Variants in DNAH3 observed in about 807,000 individuals in gnomAD.
DNAH3 encodes axonemal beta dynein heavy chain 3.
DNAH3 carries 332 observed loss-of-function variants against 432.5 expected under a neutral mutation model. The observed-to-expected ratio is 0.77, with a 90% CI of 0.70 to 0.84. The LOEUF is 0.84. Ranked by LOEUF, DNAH3 falls within the 40% of genes least tolerant of loss-of-function variation. The pLI is 0.00. For missense variants in DNAH3, 4,861 were observed against 5,114.0 expected (o/e 0.95, Z 1.51); for synonymous variants, 1,956 against 1,900.2 (o/e 1.03, Z -0.76).
chr16:20,988,705 C>T (rs1009980490), intron 44 of DNAH3, among the ~76,000 whole-genome samples: 3 of 152,226 alleles, frequency 2.0e-5, no homozygotes, highest in African/African-American at 7.2e-5. Context: ...CCTTTTGTGT[C>T]CGGAATTGGT....
At chr16:21,100,941 T>C (rs1040958092) in intron 16 of DNAH3, among the ~76,000 whole-genome samples, 5 of 152,228 alleles carry the variant, frequency 3.3e-5, no homozygotes, top group Non-Finnish European at 7.3e-5. Flanking sequence ...TTATTGTTTC[T>C]AATTTCTTAT....
intron 28 of DNAH3, 59 bp from the exon 29 acceptor site, chr16:21,051,927 T>C: frequency 1.4e-6 from 2 of 1,422,276 alleles, no homozygotes; most frequent in Non-Finnish European, 2.0e-6. Flanking sequence ...TCCATCTTTG[T>C]AAGCTCCTCA....
At chr16:20,971,577 G>A (rs1254520080) in intron 51 of DNAH3, among the ~76,000 whole-genome samples, 1 of 152,190 alleles carries the variant, frequency 6.6e-6, no homozygotes, top group African/African-American at 2.4e-5. Context: ...GAAGAGGGAT[G>A]GGATGGCAGA....
chr16:20,933,402 C>G, exon 62 of DNAH3: 1 of 1,614,178 alleles, frequency 6.2e-7, no homozygotes, highest in South Asian at 1.1e-5. Flanking sequence ...AGAGATTCCC[C>G]AATCTGCATC....
intron 54 of DNAH3, among the ~76,000 whole-genome samples, chr16:20,957,855 TC>T (rs1162208440): frequency 2.6e-5 from 2 of 75,844 alleles, no homozygotes; most frequent in Non-Finnish European, 5.6e-5. Flanking sequence ...AAAAAGAGAA[TC>T]CCTGAACATT....
At chr16:20,963,181 A>T in intron 53 of DNAH3, 103 bp downstream of exon 53, 1 of 1,195,826 alleles carries the variant, frequency 8.4e-7, no homozygotes, top group South Asian at 1.6e-5. Flanking sequence ...CCTGGCCTTC[A>T]AAGCCATCTG....
chr16:21,060,001 A>C (rs909202617), intron 26 of DNAH3, among the ~76,000 whole-genome samples: 2 of 152,148 alleles, frequency 1.3e-5, no homozygotes, highest in African/African-American at 4.8e-5. Flanking sequence ...CATTAATCCC[A>C]TTTGACAAAA....
At chr16:21,118,780 G>A (rs375863957) in intron 11 of DNAH3, among the ~76,000 whole-genome samples, 231 of 152,194 alleles carry the variant, frequency 1.5e-3, no homozygotes, top group Non-Finnish European at 2.9e-3. Context: ...GAGTCTCCAC[G>A]TCTAGTCACT....
rs1326043534 is a variant in DNAH3 at position 20,978,695 on chromosome 16, G to A, written c.8076+635C>T. Among the ~76,000 whole-genome samples the A allele has an allele frequency of 8.5e-5, 13 of 152,128 alleles. No homozygotes were observed. The East Asian group carries it at 2.3e-3, about 27-fold the overall frequency. On this transcript the variant is annotated intron_variant, in intron 50 of 61. Transcript: ENST00000261383. ...ACTACAGGCACATGTCACTGCACTT[G>A]GCTAATTTTATTTTATTTATTTTTT...
intron 56 of DNAH3, among the ~76,000 whole-genome samples, chr16:20,949,033 C>T (rs939420182): frequency 6.6e-6 from 1 of 152,052 alleles, no homozygotes; most frequent in South Asian, 2.1e-4. Flanking sequence ...CTCCCTTTCC[C>T]GCTGAGAGCC....
intron 54 of DNAH3, among the ~76,000 whole-genome samples, chr16:20,955,480 T>C (rs1164420538): frequency 6.6e-6 from 1 of 151,002 alleles, no homozygotes; most frequent in Non-Finnish European, 1.5e-5. Flanking sequence ...TTTTTTTTAA[T>C]GTAGAGATGG....
At chr16:21,126,353 A>C (rs1023250183) in intron 8 of DNAH3, among the ~76,000 whole-genome samples, 1 of 152,170 alleles carries the variant, frequency 6.6e-6, no homozygotes, top group African/African-American at 2.4e-5. Flanking sequence ...GGTTGTAGTC[A>C]TAGAGGTATG....
At chr16:21,081,569 A>G in intron 20 of DNAH3, 67 bp downstream of exon 20, 8 of 1,322,214 alleles carry the variant, frequency 6.1e-6, no homozygotes, top group Non-Finnish European at 8.6e-6. Flanking sequence ...GGAGCCAATC[A>G]GATCACTGTG....
In DNAH3 at chr16:21,139,320, C is replaced by CTTTTTTTTTTTTTTTTTTT. The variant is rs9302391; in HGVS notation, c.696+1197_696+1215dup. The stretch of plus-strand genomic sequence containing the variant: ...AATGTAGCTTGAGACTTTCCTCATG[C>CTTTTTTTTTTTTTTTTTTT]TTTTTTTTTTTTTTTTTTTTTTTTT... On this transcript the variant is annotated intron_variant, in intron 5 of 61. Transcript: ENST00000261383. Among the ~76,000 whole-genome samples, 35 of 29,630 alleles carry CTTTTTTTTTTTTTTTTTTT rather than the reference C, an allele frequency of 1.2e-3. 10 individuals are homozygous for CTTTTTTTTTTTTTTTTTTT. Among genetic ancestry groups the CTTTTTTTTTTTTTTTTTTT allele is most frequent in the African/African-American group, 2.1e-3 (13 of 6,110 alleles). 19.4% of individuals were successfully genotyped at this position (29,630 alleles called of 152,430 possible). A position where few individuals can be genotyped will look rare whatever the true frequency, so the allele number is the denominator to read the frequency against.
At position 20,985,259 on chromosome 16, in the gene DNAH3, G is replaced by C. The variant is rs758702212; in HGVS notation, c.7483C>G (p.Gln2495Glu). 3.7e-6 allele frequency: 6 copies of C among 1,614,164 alleles called. No individual in the cohort carries two copies. In the South Asian group the frequency reaches 6.6e-5, roughly 18 times the overall value. Residue 2495 changes from glutamine to glutamate, a missense_variant, in exon 48 of 62, where the codon CAG (glutamine) becomes GAG (glutamate). By Grantham distance (29) the Gln-to-Glu change is conservative. Coordinates refer to ENST00000261383, the Ensembl canonical transcript of DNAH3. Reference sequence around the variant, plus strand: ...TCCACGAATGATTCATCCTTGATCTGGTTGTCGGCGAAGAGGAACACGGTG... The same window carrying C: ...TCCACGAATGATTCATCCTTGATCTCGTTGTCGGCGAAGAGGAACACGGTG...
rs1292038283 is a variant in DNAH3 at position 21,146,229 on chromosome 16, C to A, written c.118-141G>T. 3 of 603,104 alleles carry A rather than the reference C, an allele frequency of 5.0e-6. No individual in the cohort carries two copies. The African/African-American group carries it at 5.6e-5, about 11-fold the overall frequency. The allele number at this position is 603,104 out of a possible 1,614,324, so 37.4% of individuals were successfully genotyped here. On this transcript the variant is annotated intron_variant, in intron 1 of 61. Coordinates refer to ENST00000261383, the Ensembl canonical transcript of DNAH3. Reference sequence around the variant, plus strand: ...CTAAAACAAAACACTCCTCTCATTCCCATCCATTATGTATGTTTCATTTAT... The same window carrying A: ...CTAAAACAAAACACTCCTCTCATTCACATCCATTATGTATGTTTCATTTAT...
At chr16:21,147,195 G>C (rs192508461) in intron 1 of DNAH3, among the ~76,000 whole-genome samples, 2 of 151,692 alleles carry the variant, frequency 1.3e-5, no homozygotes, top group Admixed American at 1.3e-4. Flanking sequence ...ATGATTAAAG[G>C]AGGTGACTTT....
intron 36 of DNAH3, among the ~76,000 whole-genome samples, chr16:21,033,028 G>A (rs1003199260): frequency 1.3e-5 from 2 of 152,006 alleles, no homozygotes; most frequent in African/African-American, 4.8e-5. Context: ...AGTGCAGTGC[G>A]CAATCATAGC....
rs558824935 is a variant in DNAH3, at chr16:21,130,009, T to C, written c.1083-2197A>G. 2.0e-5 allele frequency: 3 copies of C among 146,916 alleles called. 1 individual carries two copies. The South Asian group carries it at 6.4e-4, about 31-fold the overall frequency. The allele number at this position is 146,916 out of a possible 1,614,324, so 9.1% of individuals were successfully genotyped here. ...AAATGAACTCACTTCTGTTCTCTAC[T>C]ACACTAAAACAATGCTTAGCACATA... On this transcript the variant is annotated intron_variant, in intron 7 of 61. Coordinates refer to ENST00000261383, the Ensembl canonical transcript of DNAH3.
Sources: gnomAD v4.1 joint callset for allele counts (sites outside exome capture counted in the v4.1 genomes callset) on GRCh38, gnomAD v4.1.1 for gene constraint, MANE v1.5 for transcripts, NCBI Gene and HGNC (gene_info 2026-07-23, HGNC 2026-07-21) for gene names.